Variants in ACOXL observed in about 807,000 individuals in gnomAD.
ACOXL encodes the protein acyl-CoA oxidase like.
In ACOXL, 70 loss-of-function variants were observed where a neutral mutation model predicts 71.9. The ratio of observed to expected loss-of-function variants is 0.97; its 90% confidence interval spans 0.80 to 1.19. The LOEUF (loss-of-function observed/expected upper bound fraction) is 1.19, where lower values mean the gene tolerates loss of function less well. Among genes scored for constraint, ACOXL ranks in the 50% most tolerant of loss-of-function variants. The pLI is 0.00. For synonymous variants in ACOXL, 253 were observed against 281.6 expected, an observed-to-expected ratio of 0.90 and a Z score of 1.02; for missense variants, 703 against 736.3, an observed-to-expected ratio of 0.95 and a Z score of 0.52.
intron 16 of ACOXL, among the ~76,000 whole-genome samples, chr2:111,062,319 G>C (rs1324283774): frequency 1.3e-5 from 2 of 151,906 alleles, no homozygotes; most frequent in Non-Finnish European, 2.9e-5. Context: ...CAAAATATGT[G>C]ATGTGAAAAC....
intron 17 of ACOXL, among the ~76,000 whole-genome samples, chr2:111,094,632 A>G (rs1438877914): frequency 6.6e-6 from 1 of 152,210 alleles, no homozygotes; most frequent in African/African-American, 2.4e-5. Context: ...GTCATGTCCT[A>G]TTCACCTTCT....
intron 11 of ACOXL, among the ~76,000 whole-genome samples, 193 bp downstream of exon 11, chr2:110,909,098 C>G (rs1198618125): frequency 2.0e-5 from 3 of 152,236 alleles, no homozygotes. Context: ...ACCTGGACAT[C>G]TGATTTTAAA....
chr2:110,957,911 AG>A (rs1451981211), intron 12 of ACOXL, among the ~76,000 whole-genome samples: 2 of 151,996 alleles, frequency 1.3e-5, no homozygotes, highest in Non-Finnish European at 2.9e-5. Flanking sequence ...ACAAAAAAAA[AG>A]GCGGGCATGG....
At chr2:110,744,712 A>G (rs1385178385) in intron 1 of ACOXL, among the ~76,000 whole-genome samples, 1 of 152,202 alleles carries the variant, frequency 6.6e-6, no homozygotes, top group African/African-American at 2.4e-5. Context: ...AGAAACAGTC[A>G]TGTGACCTGA....
intron 14 of ACOXL, among the ~76,000 whole-genome samples, chr2:111,008,524 T>A (rs1427464316): frequency 6.6e-6 from 1 of 152,258 alleles, no homozygotes; most frequent in Non-Finnish European, 1.5e-5. Flanking sequence ...CACCCCTCTC[T>A]TGTGTATTTA....
chr2:110,764,299 G>A lies in ACOXL; in HGVS notation c.-22-4069G>A. Among the ~76,000 whole-genome samples, 2 of 152,030 alleles carry A rather than the reference G, an allele frequency of 1.3e-5. 1 individual carries two copies. Among genetic ancestry groups the A allele is most frequent in the Middle Eastern group, 6.3e-3 (2 of 316 alleles). On this transcript the variant is annotated intron_variant, in intron 1 of 17. Transcript: ENST00000439055. ...TAGTTGAATGGATAGATAAATGGTG[G>A]TACCTCCAGGCAATGGAATATTATT...
chr2:110,998,968 A>G (rs2063508494), intron 14 of ACOXL, among the ~76,000 whole-genome samples: 2 of 152,250 alleles, frequency 1.3e-5, no homozygotes, highest in Admixed American at 1.3e-4. Context: ...AGATTTTCAA[A>G]AGTAAACAAT....
chr2:110,943,040 G>GAAGGAAGGGAGAAAGAA (rs2060935026), intron 12 of ACOXL, among the ~76,000 whole-genome samples: 1 of 133,268 alleles, frequency 7.5e-6, no homozygotes, highest in African/African-American at 2.9e-5. Context: ...AGGAAGGAAA[G>GAAGGAAGGGAGAAAGAA]AAGGAAGGAA....
chr2:110,999,745 G>T (rs2063540706), intron 14 of ACOXL, among the ~76,000 whole-genome samples: 1 of 152,178 alleles, frequency 6.6e-6, no homozygotes, highest in African/African-American at 2.4e-5. Context: ...GGAAGGCCCA[G>T]GTGTCAAGGA....
At chr2:111,057,843 T>C (rs1214613035) in intron 16 of ACOXL, among the ~76,000 whole-genome samples, 1 of 152,250 alleles carries the variant, frequency 6.6e-6, no homozygotes, top group Non-Finnish European at 1.5e-5. Flanking sequence ...GATACTTCAT[T>C]GTCAAGCATC....
intron 14 of ACOXL, among the ~76,000 whole-genome samples, chr2:111,030,853 G>A (rs1220301676): frequency 2.0e-5 from 3 of 152,170 alleles, no homozygotes; most frequent in African/African-American, 7.2e-5. Flanking sequence ...GGTCAGATAA[G>A]AATCTGAGAC....
intron 13 of ACOXL, among the ~76,000 whole-genome samples, chr2:110,990,231 G>A (rs1451133362): frequency 1.3e-5 from 2 of 152,010 alleles, no homozygotes; most frequent in Non-Finnish European, 2.9e-5. Flanking sequence ...GTGTCCTTCA[G>A]GGTTGTATAA....
chr2:111,108,809 C>T (rs1268619389), intron 17 of ACOXL, among the ~76,000 whole-genome samples: 1 of 152,202 alleles, frequency 6.6e-6, no homozygotes, highest in African/African-American at 2.4e-5. Context: ...TCCATCAATT[C>T]CTCACCCTGA....
intron 12 of ACOXL, among the ~76,000 whole-genome samples, chr2:110,985,642 G>A (rs2149544036): frequency 6.6e-6 from 1 of 152,278 alleles, no homozygotes; most frequent in Non-Finnish European, 1.5e-5. Flanking sequence ...GAAAGGAGAG[G>A]CGGCGGTGTC....
chr2:110,744,030 G>A (rs1677872938), intron 1 of ACOXL, among the ~76,000 whole-genome samples: 1 of 152,208 alleles, frequency 6.6e-6, no homozygotes, highest in African/African-American at 2.4e-5. Flanking sequence ...GCACCCTGCA[G>A]CAGATGTCCC....
intron 10 of ACOXL, among the ~76,000 whole-genome samples, chr2:110,892,254 C>T (rs1698005885): frequency 6.6e-6 from 1 of 152,126 alleles, no homozygotes; most frequent in Non-Finnish European, 1.5e-5. Flanking sequence ...ATAGATTAGG[C>T]AGACAACAGA....
intron 16 of ACOXL, among the ~76,000 whole-genome samples, chr2:111,061,428 A>C (rs2149883057): frequency 6.6e-6 from 1 of 152,242 alleles, no homozygotes; most frequent in East Asian, 1.9e-4. Context: ...AATATCATTT[A>C]GGAATTAGGA....
chr2:110,751,052 A>G (rs534907413), intron 1 of ACOXL, among the ~76,000 whole-genome samples: 1 of 151,966 alleles, frequency 6.6e-6, no homozygotes, highest in South Asian at 2.1e-4. Context: ...TAATCCCAGC[A>G]CTTTGGGAGG....
chr2:110,957,288 G>A (rs191255463), intron 12 of ACOXL, among the ~76,000 whole-genome samples: 2 of 152,110 alleles, frequency 1.3e-5, no homozygotes, highest in Admixed American at 6.5e-5. Context: ...CTTACTGAGT[G>A]GCTTGAGTTG....
Sources: gnomAD v4.1 joint callset for allele counts (sites outside exome capture counted in the v4.1 genomes callset) on GRCh38, gnomAD v4.1.1 for gene constraint, MANE v1.5 for transcripts, NCBI Gene and HGNC (gene_info 2026-07-23, HGNC 2026-07-21) for gene names.